ZDHHC15: variants seen among roughly 807,000 people sequenced by gnomAD.
ZDHHC15 encodes zDHHC palmitoyltransferase 15.
In ZDHHC15, 19 loss-of-function variants were observed where a neutral mutation model predicts 31.7. The ratio of observed to expected loss-of-function variants is 0.60; its 90% CI spans 0.42 to 0.88. The LOEUF (loss-of-function observed/expected upper bound fraction) is 0.88, where lower values mean the gene tolerates loss of function less well. Among genes scored for constraint, ZDHHC15 ranks in the 40% least tolerant of loss-of-function variants. ZDHHC15 has a pLI of 0.00. For missense variants in ZDHHC15, 209 were observed against 251.2 expected, an observed-to-expected ratio of 0.83 and a Z score of 1.14; for synonymous variants, 103 against 90.0, an observed-to-expected ratio of 1.14 and a Z score of -0.82.
chrX:75,492,159 C>T (rs2084908028), intron 2 of ZDHHC15, among the ~76,000 whole-genome samples: 1 of 109,676 alleles, frequency 9.1e-6, no homozygotes, highest in Non-Finnish European at 1.9e-5. Flanking sequence ...CTAATAAAAC[C>T]AACAAAGATC....
At chrX:75,487,348 T>C (rs755502845) in intron 2 of ZDHHC15, among the ~76,000 whole-genome samples, 1 of 112,266 alleles carries the variant, frequency 8.9e-6, no homozygotes, top group African/African-American at 3.2e-5. Context: ...ATGGATCATA[T>C]CACAGGACTG....
chrX:75,504,128 A>T, intron 2 of ZDHHC15, among the ~76,000 whole-genome samples: 1 of 111,615 alleles, frequency 9.0e-6, no homozygotes. Flanking sequence ...GGTCACATTT[A>T]CAAGTTCCAG....
intron 3 of ZDHHC15, among the ~76,000 whole-genome samples, chrX:75,475,964 T>C (rs1274208444): frequency 9.0e-6 from 1 of 111,722 alleles, no homozygotes; most frequent in Non-Finnish European, 1.9e-5. Context: ...ATTTTATGTT[T>C]TTGGTGCTAT....
rs1424644891 is a variant in ZDHHC15 at position 75,453,480 on chromosome X, A to C, written c.259-2558T>G. Among the ~76,000 whole-genome samples the C allele has an allele frequency of 1.1e-4, 12 of 111,208 alleles. No homozygotes were observed. The Admixed American group carries it at 1.1e-3, about 11-fold the overall frequency. On this transcript the variant is annotated intron_variant, in intron 3 of 11. Coordinates refer to ENST00000373367, the MANE Select transcript of ZDHHC15 (RefSeq NM_144969.3). ...AGAGGTACAAAGAGGAGCTGGTACC[A>C]ATCCTGAAACTATTTCAATTGATAG... is the stretch of plus-strand genomic sequence containing the variant.
chrX:75,372,672 A>G lies in ZDHHC15; in HGVS notation c.*306T>C, dbSNP rs767737069. 1 of 111,655 alleles carries G rather than the reference A, an allele frequency of 9.0e-6. No homozygotes were observed. Among genetic ancestry groups the G allele is most frequent in the Non-Finnish European group, 1.9e-5 (1 of 53,079 alleles). The allele number at this position is 111,655 out of a possible 1,213,427, so 9.2% of individuals were successfully genotyped here. A position where few individuals can be genotyped will look rare whatever the true frequency, so the allele number is the denominator to read the frequency against. On this transcript the variant is annotated 3_prime_UTR_variant, in exon 12 of 12. Coordinates refer to ENST00000373367, the MANE Select transcript of ZDHHC15 (RefSeq NM_144969.3). ...CCTTTTACCTGATAAGATGAATGAA[A>G]AGATATATTTTACATTTAGGCTTTC...
intron 9 of ZDHHC15, among the ~76,000 whole-genome samples, chrX:75,418,007 C>T (rs919937012): frequency 6.2e-5 from 7 of 112,003 alleles, no homozygotes; most frequent in Non-Finnish European, 1.3e-4. Context: ...TGTAAGTGTA[C>T]TGATTATAAA....
chrX:75,416,028 A>T (rs900731698), intron 10 of ZDHHC15, among the ~76,000 whole-genome samples: 1 of 112,499 alleles, frequency 8.9e-6, no homozygotes, highest in African/African-American at 3.2e-5. Flanking sequence ...AGACTGAAGG[A>T]AGACAGGTCA....
chrX:75,387,190 T>G (rs751770469), intron 10 of ZDHHC15, among the ~76,000 whole-genome samples: 7 of 111,676 alleles, frequency 6.3e-5, no homozygotes, highest in Non-Finnish European at 1.3e-4. Flanking sequence ...TAAGCAAACA[T>G]AATGAATAAA....
chrX:75,445,656 A>G (rs2147897518), intron 4 of ZDHHC15, among the ~76,000 whole-genome samples: 1 of 111,760 alleles, frequency 8.9e-6, no homozygotes, highest in South Asian at 3.8e-4. Context: ...ATCTGTAAAT[A>G]GCCGAATTAC....
In ZDHHC15 at chrX:75,431,523, A is replaced by AT; in HGVS notation, c.380-4dup. On this transcript the variant is annotated splice_region_variant and splice_polypyrimidine_tract_variant and intron_variant, in intron 4 of 11. Transcript: ENST00000373367. ...ACACCGGTCACAGAATCGTACAGCT[A>AT]TAAAAAAAAAAATAAGGTGGTTAGC... 8.3e-7 allele frequency: 1 copy of AT among 1,204,007 alleles called. No individual in the cohort carries two copies. The highest frequency in any genetic ancestry group is 1.7e-5 in the African/African-American group (1 of 57,331).
At chrX:75,424,301 A>G (rs185296140) in intron 8 of ZDHHC15, among the ~76,000 whole-genome samples, 29 of 110,716 alleles carry the variant, frequency 2.6e-4, no homozygotes, top group African/African-American at 9.2e-4. Context: ...CTCCCTTCTG[A>G]CATCCCCTTC....
At chrX:75,493,588 T>A in intron 2 of ZDHHC15, among the ~76,000 whole-genome samples, 1 of 111,790 alleles carries the variant, frequency 8.9e-6, no homozygotes, top group Non-Finnish European at 1.9e-5. Context: ...TCCACCATGA[T>A]CAAGTGGGCT....
chrX:75,379,160 C>T lies in ZDHHC15; in HGVS notation c.1006G>A (p.Glu336Lys), dbSNP rs1440176343. The change falls in exon 11 of 12, where the codon GAA (glutamate) becomes AAA (lysine). Residue 336 changes from glutamate (E) to lysine (K), a missense_variant. Coordinates refer to ENST00000373367, the MANE Select transcript of ZDHHC15 (RefSeq NM_144969.3). ...EGSSSLAVETET is the reference protein window; with the variant it reads ...EGSSSLAVETKT ...AGGAAATGTGAAAACTGCTATGTTT[C>T]CGTTTCCACAGCAAGAGATGATGAG... 8 of 1,211,218 alleles carry T rather than the reference C, an allele frequency of 6.6e-6. No individual in the cohort carries two copies. In the East Asian group the frequency reaches 2.4e-4, roughly 36 times the overall value.
intron 3 of ZDHHC15, among the ~76,000 whole-genome samples, chrX:75,451,723 T>A (rs2084121263): frequency 8.9e-6 from 1 of 111,920 alleles, no homozygotes; most frequent in Non-Finnish European, 1.9e-5. Flanking sequence ...GAAGAAATAA[T>A]ACCTACTTCA....
At chrX:75,479,644 TATC>T (rs2084658527) in intron 2 of ZDHHC15, among the ~76,000 whole-genome samples, 1 of 111,527 alleles carries the variant, frequency 9.0e-6, no homozygotes. Flanking sequence ...AGTAGTTTCT[TATC>T]ATCCACCCCT....
At chrX:75,380,363 C>T (rs1189282201) in intron 10 of ZDHHC15, among the ~76,000 whole-genome samples, 1 of 111,889 alleles carries the variant, frequency 8.9e-6, no homozygotes, top group Non-Finnish European at 1.9e-5. Flanking sequence ...TCACTCCTTG[C>T]TGATGGTTGG....
intron 10 of ZDHHC15, among the ~76,000 whole-genome samples, chrX:75,410,438 A>G (rs2147817804): frequency 8.9e-6 from 1 of 112,511 alleles, no homozygotes; most frequent in East Asian, 2.8e-4. Context: ...TAGAATGGGC[A>G]AAATATCTGA....
chrX:75,407,673 G>A (rs900378419), intron 10 of ZDHHC15, among the ~76,000 whole-genome samples: 2 of 113,061 alleles, frequency 1.8e-5, no homozygotes, highest in South Asian at 7.2e-4. Context: ...GGGAAGTGAG[G>A]AGCCCCTCTG....
At chrX:75,491,639 A>G (rs1222900127) in intron 2 of ZDHHC15, among the ~76,000 whole-genome samples, 1 of 110,904 alleles carries the variant, frequency 9.0e-6, no homozygotes, top group African/African-American at 3.3e-5. Context: ...AATAAAATAA[A>G]AGAAAAAAAA....
Sources: gnomAD v4.1 joint callset for allele counts (sites outside exome capture counted in the v4.1 genomes callset) on GRCh38, gnomAD v4.1.1 for gene constraint, MANE v1.5 for transcripts, NCBI Gene and HGNC (gene_info 2026-07-23, HGNC 2026-07-21) for gene names.